FER1L5: variants seen among roughly 807,000 people sequenced by gnomAD.
The protein encoded by FER1L5 is fer-1-like protein 5.
In FER1L5, 187 loss-of-function variants were observed where a neutral mutation model predicts 279.9. The ratio of observed to expected loss-of-function variants is 0.67; its 90% CI spans 0.59 to 0.75. FER1L5 has a LOEUF of 0.75. Among genes scored for constraint, FER1L5 ranks in the 30% least tolerant of loss-of-function variants. The pLI is 0.00. For synonymous variants in FER1L5, 921 were observed against 989.7 expected (o/e 0.93, Z 1.30); for missense variants, 2,091 against 2,594.4 (o/e 0.81, Z 4.21).
At chr2:96,699,858 GGTCAACC>G in intron 43 of FER1L5, 67 bp from the exon 44 acceptor site, 1 of 1,587,162 alleles carries the variant, frequency 6.3e-7, no homozygotes, top group Non-Finnish European at 8.6e-7. Context: ...TTCCACCCGT[GGTCAACC>G]TGCAGCTCAC....
Position 96,703,137 on chromosome 2 carries a change from A to C in FER1L5, c.5498-16A>C. 6.2e-7 allele frequency: 1 copy of C among 1,612,440 alleles called. No individual in the cohort carries two copies. Among genetic ancestry groups the C allele is most frequent in the Non-Finnish European group, 8.5e-7 (1 of 1,178,818 alleles). ...CAGGGAGCTCCTTCTTGCTGATGTCATTTTTCTGGGCTCAGGGGTCCTGGA... is the reference window on the plus strand; with the variant it reads ...CAGGGAGCTCCTTCTTGCTGATGTCCTTTTTCTGGGCTCAGGGGTCCTGGA... On this transcript the variant is annotated splice_polypyrimidine_tract_variant and intron_variant, in intron 49 of 52. Coordinates refer to ENST00000624922, the MANE Select transcript of FER1L5 (RefSeq NM_001293083.2).
chr2:96,681,657 A>G (rs1031858087), intron 19 of FER1L5, among the ~76,000 whole-genome samples: 6 of 152,154 alleles, frequency 3.9e-5, no homozygotes, highest in Non-Finnish European at 5.9e-5. Flanking sequence ...GTGTTCATAG[A>G]TCCAGATGAC....
chr2:96,697,459 C>T (rs2077422881), intron 37 of FER1L5, 67 bp from the exon 38 acceptor site: 1 of 1,563,370 alleles, frequency 6.4e-7, no homozygotes, highest in Non-Finnish European at 8.7e-7. Flanking sequence ...CAACCCCCCT[C>T]TCCTCTCTGA....
chr2:96,684,835 G>T (rs2076860626), intron 20 of FER1L5, among the ~76,000 whole-genome samples: 1 of 152,136 alleles, frequency 6.6e-6, no homozygotes, highest in African/African-American at 2.4e-5. Context: ...GAATGCATAG[G>T]ATTTTGTTGG....
chr2:96,697,575 AG>A lies in FER1L5; in HGVS notation c.4134+1del. On this transcript the variant is annotated frameshift_variant and splice_region_variant, in exon 38 of 53. Transcript: ENST00000624922. LOFTEE classifies it high-confidence loss of function. Reference protein sequence around the residue: ...RKFWFKSSKAEDEYEHEVDWW... With the variant: ...RKFWFKSSKAXDEYEHEVDWW... The stretch of plus-strand genomic sequence containing the variant: ...TTCTGGTTCAAGTCCAGTAAAGCAG[AG>A]GTGATGAAGGCTCAGCCCCATTCAG... 2 of 1,613,756 alleles carry A rather than the reference AG, an allele frequency of 1.2e-6. No individual in the cohort carries two copies. The highest frequency in any genetic ancestry group is 3.3e-4 in the Middle Eastern group (2 of 6,060).
Position 96,693,903 on chromosome 2 carries a change from C to A in FER1L5, c.3475-8C>A. ...GGCCTCCATGCTTTGTGAACTTCCC[C>A]CCTCCAGGGCAAGGAGAGCTTGTGG... On this transcript the variant is annotated splice_polypyrimidine_tract_variant and splice_region_variant and intron_variant, in intron 32 of 52. Transcript: ENST00000624922. The A allele has an allele frequency of 6.5e-7, 1 of 1,540,668 alleles. No homozygotes were observed.
intron 18 of FER1L5, among the ~76,000 whole-genome samples, chr2:96,671,607 G>A (rs1305032815): frequency 1.3e-5 from 2 of 152,224 alleles, no homozygotes; most frequent in Admixed American, 6.5e-5. Context: ...CTAGACACAG[G>A]GATGTGACAT....
intron 27 of FER1L5, among the ~76,000 whole-genome samples, chr2:96,690,877 G>A (rs565156020): frequency 6.6e-6 from 1 of 152,238 alleles, no homozygotes; most frequent in Admixed American, 6.5e-5. Flanking sequence ...AGCAGCTCCA[G>A]GGCAGGAATG....
intron 39 of FER1L5, 54 bp from the exon 40 acceptor site, chr2:96,697,983 T>C: frequency 6.5e-7 from 1 of 1,529,660 alleles, no homozygotes; most frequent in Non-Finnish European, 8.8e-7. Flanking sequence ...GGTCCCTCCA[T>C]CTCCTAATCA....
chr2:96,649,533 G>A (rs2075279122), intron 4 of FER1L5, 90 bp from the exon 5 acceptor site: 2 of 1,289,578 alleles, frequency 1.6e-6, no homozygotes, highest in African/African-American at 2.9e-5. Flanking sequence ...GGAGGACCAG[G>A]TGTGAACCCA....
Position 96,694,041 on chromosome 2 carries a change from T to G in FER1L5, c.3605T>G (p.Leu1202Trp). The change falls in exon 33 of 53, where the codon TTG (leucine) becomes TGG (tryptophan). Residue 1202 changes from leucine to tryptophan, a missense_variant. Physicochemically the swap from Leu to Trp is moderately conservative, Grantham distance 61. Coordinates refer to ENST00000624922, the MANE Select transcript of FER1L5 (RefSeq NM_001293083.2). This position sits in a 1 kb window ranked among gnomAD's most constrained non-coding sequence, Gnocchi z 4.6. ...TTGGGGAAGGAAGAGGGCGAGATCTTGGCATCCTGTGAGCTGATCCTCCAG... is the reference window on the plus strand; with the variant it reads ...TTGGGGAAGGAAGAGGGCGAGATCTGGGCATCCTGTGAGCTGATCCTCCAG... ...KELGKEEGEI[L>W]ASCELILQTE... 6.5e-7 allele frequency: 1 copy of G among 1,546,254 alleles called. No individual in the cohort carries two copies. The highest frequency in any genetic ancestry group is 8.7e-7 in the Non-Finnish European group (1 of 1,146,936).
At chr2:96,653,609 A>AGGTT in intron 7 of FER1L5, 31 bp from the exon 8 acceptor site, 1 of 1,516,126 alleles carries the variant, frequency 6.6e-7, no homozygotes, top group South Asian at 1.2e-5. Context: ...GGAAGAAATC[A>AGGTT]TCCACTCTAC....
Position 96,693,940 on chromosome 2 carries a change from G to A in FER1L5, c.3504G>A (p.Val1168=). ...AGGAGAGCTTGTGGGGACGGAGCGT[G>A]TGGCCCCCAATGGTCTGGCTGGATC... ...WGKESLWGRS[V]WPPMVWLDLQ... is the part of the protein sequence containing the mutation. The change falls in exon 33 of 53, where the codon GTG becomes GTA. Residue 1168 remains valine (V), a synonymous_variant. Transcript: ENST00000624922. 1 of 1,551,364 alleles carries A rather than the reference G, an allele frequency of 6.4e-7. No individual in the cohort carries two copies. Among genetic ancestry groups the A allele is most frequent in the Non-Finnish European group, 8.7e-7 (1 of 1,146,860 alleles).
chr2:96,675,616 G>A (rs2076484155), intron 19 of FER1L5, among the ~76,000 whole-genome samples: 1 of 152,096 alleles, frequency 6.6e-6, no homozygotes, highest in Admixed American at 6.5e-5. Context: ...TAGTAGTGAT[G>A]GGGTTTTGCC....
At chr2:96,703,445 G>A in intron 50 of FER1L5, 78 bp from the exon 51 acceptor site, 2 of 1,606,744 alleles carry the variant, frequency 1.2e-6, no homozygotes, top group Non-Finnish European at 1.7e-6. Flanking sequence ...TTCCTTTCTT[G>A]ATCCCGGGAA....
At chr2:96,695,449 G>T in intron 34 of FER1L5, 60 bp from the exon 35 acceptor site, 2 of 1,509,276 alleles carry the variant, frequency 1.3e-6, no homozygotes, top group Admixed American at 2.6e-5. Flanking sequence ...TCTCTGGCCA[G>T]GACCCCATTA....
chr2:96,647,933 G>A (rs920217568), intron 4 of FER1L5, 47 bp downstream of exon 4: 4 of 1,460,790 alleles, frequency 2.7e-6, no homozygotes, highest in Admixed American at 2.0e-5. Flanking sequence ...GGAGGAATGA[G>A]GGGAGCTGGT....
chr2:96,688,567 G>C (rs1171046868), intron 24 of FER1L5, among the ~76,000 whole-genome samples: 1 of 152,174 alleles, frequency 6.6e-6, no homozygotes, highest in Non-Finnish European at 1.5e-5. Context: ...GAACAGCAGA[G>C]GGGAAATAAG....
chr2:96,652,071 C>A, intron 7 of FER1L5, 51 bp downstream of exon 7: 1 of 1,549,612 alleles, frequency 6.5e-7, no homozygotes. Flanking sequence ...GGCTGGGCAT[C>A]CCCGGTGGGC....
Sources: allele counts gnomAD v4.1 joint callset (sites outside exome capture counted in the v4.1 genomes callset), GRCh38; gene constraint gnomAD v4.1.1; non-coding constraint Gnocchi (gnomAD v3.1); transcripts MANE v1.5; gene names NCBI Gene and HGNC (gene_info 2026-07-23, HGNC 2026-07-21).